SAMMSON: variants seen among roughly 807,000 people sequenced by gnomAD.
SAMMSON encodes the protein survival associated mitochondrial melanoma specific oncogenic non-coding RNA, also known as long intergenic non-protein coding RNA 1212.
In SAMMSON at chr3:70,195,097, C is replaced by A. The variant is rs938879169; in HGVS notation, n.508-54010C>A. Among the ~76,000 whole-genome samples, 4 of 152,276 alleles carry A rather than the reference C, an allele frequency of 2.6e-5. No homozygotes were observed. In the South Asian group the frequency reaches 6.2e-4, roughly 24 times the overall value. On this transcript the variant is annotated intron_variant and non_coding_transcript_variant, in intron 4 of 9. Transcript: ENST00000642114. Reference sequence around the variant, plus strand: ...CCCAAGTTAGAGTTCCTGACACTGCCAATAATTCACTGTGTGGTCTTGAAT... The same window carrying A: ...CCCAAGTTAGAGTTCCTGACACTGCAAATAATTCACTGTGTGGTCTTGAAT...
downstream of SAMMSON, among the ~76,000 whole-genome samples, chr3:70,393,132 T>C (rs1282789476): frequency 1.3e-5 from 2 of 152,212 alleles, no homozygotes; most frequent in Non-Finnish European, 2.9e-5. Flanking sequence ...TCTTCAGTAG[T>C]ATGCCATTTT....
At chr3:70,049,936 G>T (rs1161382843) in intron 3 of SAMMSON, among the ~76,000 whole-genome samples, 1 of 152,094 alleles carries the variant, frequency 6.6e-6, no homozygotes, top group Non-Finnish European at 1.5e-5. Flanking sequence ...GATAACAGAA[G>T]CCAGCTGCCC....
chr3:70,404,035 A>G (rs1701161276), intron 2 of SAMMSON, among the ~76,000 whole-genome samples: 1 of 152,166 alleles, frequency 6.6e-6, no homozygotes, highest in African/African-American at 2.4e-5. Flanking sequence ...CAATTTTCAA[A>G]ATACTGATTA....
At chr3:70,126,226 C>T (rs2067457893) in intron 4 of SAMMSON, 1 of 1,010,754 alleles carries the variant, frequency 9.9e-7, no homozygotes, top group Non-Finnish European at 1.5e-6. Context: ...TCTTTCTTTT[C>T]TTTATCGTCT....
intron 7 of SAMMSON, among the ~76,000 whole-genome samples, chr3:70,317,612 G>A (rs902533087): frequency 6.6e-6 from 1 of 150,834 alleles, no homozygotes; most frequent in African/African-American, 2.4e-5. Flanking sequence ...ATATATGTAT[G>A]TATATATGTA....
chr3:70,131,790 C>T (rs1419305105), intron 4 of SAMMSON, among the ~76,000 whole-genome samples: 4 of 151,986 alleles, frequency 2.6e-5, no homozygotes, highest in African/African-American at 9.7e-5. Context: ...CACTAAATTG[C>T]TCGTCTAGAA....
At chr3:70,240,064 A>G (rs1701651594) in intron 4 of SAMMSON, among the ~76,000 whole-genome samples, 2 of 152,260 alleles carry the variant, frequency 1.3e-5, no homozygotes, top group African/African-American at 4.8e-5. Flanking sequence ...TGCTCAATAC[A>G]TCAGTATGGA....
intron 4 of SAMMSON, chr3:70,184,023 A>G (rs1451367974): frequency 6.6e-6 from 1 of 152,198 alleles, no homozygotes; most frequent in Non-Finnish European, 1.5e-5. Context: ...TGGATGCTCC[A>G]TGTTGGTACA....
chr3:70,246,338 T>C (rs969848312), intron 4 of SAMMSON, among the ~76,000 whole-genome samples: 10 of 152,224 alleles, frequency 6.6e-5, no homozygotes, highest in African/African-American at 2.2e-4. Context: ...GGAAAGAAAC[T>C]GTCTAAGTCT....
At chr3:70,408,091 C>T (rs1203943617) in intron 2 of SAMMSON, among the ~76,000 whole-genome samples, 6 of 152,230 alleles carry the variant, frequency 3.9e-5, no homozygotes, top group East Asian at 3.9e-4. Flanking sequence ...CTTTCAACCA[C>T]GGCTGAAGCA....
At chr3:70,274,029 A>G (rs1701998134) in intron 6 of SAMMSON, among the ~76,000 whole-genome samples, 1 of 151,590 alleles carries the variant, frequency 6.6e-6, no homozygotes, top group Non-Finnish European at 1.5e-5. Flanking sequence ...TATTAATATT[A>G]TAAATAAAAG....
chr3:70,215,950 T>G (rs928358843), intron 4 of SAMMSON, among the ~76,000 whole-genome samples: 1 of 152,118 alleles, frequency 6.6e-6, no homozygotes, highest in Non-Finnish European at 1.5e-5. Context: ...CTGTCTTTTG[T>G]GGTAAAACAC....
intron 3 of SAMMSON, among the ~76,000 whole-genome samples, chr3:70,038,333 C>T (rs1321191081): frequency 5.3e-5 from 8 of 152,030 alleles, no homozygotes; most frequent in Non-Finnish European, 1.0e-4. Flanking sequence ...CTTCCTTTGT[C>T]TCTCTCTTGT....
At position 70,186,474 on chromosome 3, in the gene SAMMSON, C is replaced by T. The variant is rs370096425; in HGVS notation, n.508-62633C>T. Among the ~76,000 whole-genome samples, 4 of 151,932 alleles carry T rather than the reference C, an allele frequency of 2.6e-5. No homozygotes were observed. In the East Asian group the frequency reaches 7.7e-4, roughly 29 times the overall value. ...TTTTTTTTGTAGAGATGAGGTCTCA[C>T]TCTGTTGCCCAAGCTGATCTTAAAA... is the stretch of plus-strand genomic sequence containing the variant. On this transcript the variant is annotated intron_variant and non_coding_transcript_variant, in intron 4 of 9. Transcript: ENST00000642114.
intron 4 of SAMMSON, among the ~76,000 whole-genome samples, chr3:70,124,361 CT>C (rs1345077225): frequency 2.8e-4 from 42 of 152,118 alleles, no homozygotes; most frequent in African/African-American, 1.0e-3. Context: ...TAATCACAGG[CT>C]TTTTATCATT....
At chr3:70,048,779 A>G (rs184522455) in intron 3 of SAMMSON, among the ~76,000 whole-genome samples, 116 of 152,258 alleles carry the variant, frequency 7.6e-4, no homozygotes, top group Admixed American at 3.5e-3. Flanking sequence ...ACAGCCCTGT[A>G]GTGTGAATTG....
chr3:70,222,803 C>T (rs1476824815), intron 4 of SAMMSON, among the ~76,000 whole-genome samples: 1 of 152,106 alleles, frequency 6.6e-6, no homozygotes, highest in Non-Finnish European at 1.5e-5. Context: ...AGAGTATTTC[C>T]TCCCTAAGAT....
chr3:70,057,229 G>A (rs971398522), intron 3 of SAMMSON, among the ~76,000 whole-genome samples: 3 of 151,994 alleles, frequency 2.0e-5, no homozygotes, highest in African/African-American at 2.4e-5. Flanking sequence ...GGGAAAGGGG[G>A]TTAAAAATGA....
At chr3:70,323,050 A>G (rs572468277) in intron 7 of SAMMSON, among the ~76,000 whole-genome samples, 1 of 152,198 alleles carries the variant, frequency 6.6e-6, no homozygotes, top group East Asian at 1.9e-4. Context: ...GAGATGATAA[A>G]AGAAATTTCT....
Sources: allele counts gnomAD v4.1 joint callset (sites outside exome capture counted in the v4.1 genomes callset), GRCh38; gene constraint gnomAD v4.1.1; transcripts MANE v1.5; gene names NCBI Gene and HGNC (gene_info 2026-07-23, HGNC 2026-07-21).